UNC13A: variants seen among roughly 807,000 people sequenced by gnomAD.
UNC13A encodes unc-13 homolog A, also known as protein unc-13 homolog A.
Under a neutral mutation model 219.7 loss-of-function variants are expected in UNC13A, and 61 were observed. The ratio of observed to expected loss-of-function variants is 0.28; its 90% CI spans 0.23 to 0.34. The LOEUF is 0.34. UNC13A is among the 10% of genes least tolerant of loss of function. The probability of loss-of-function intolerance (pLI) is 1.00; values close to 1 mark genes in which losing one functional copy is unlikely to be tolerated. For synonymous variants in UNC13A, 920 were observed against 884.6 expected (o/e 1.04, Z -0.71); for missense variants, 1,476 against 2,270.3 (o/e 0.65, Z 7.11).
chr19:17,622,037 A>G (rs1568506012), intron 36 of UNC13A, among the ~76,000 whole-genome samples, 167 bp from the exon 37 acceptor site: 1 of 152,166 alleles, frequency 6.6e-6, no homozygotes, highest in Non-Finnish European at 1.5e-5. Flanking sequence ...GTGTGTGTGC[A>G]CACACGTGCA....
chr19:17,610,087 T>C lies in UNC13A; in HGVS notation c.4664A>G (p.Asn1555Ser), dbSNP rs753414273. The change falls in exon 43 of 44, where the codon AAT becomes AGT. Residue 1555 changes from asparagine (N) to serine (S), a missense_variant. Transcript: ENST00000519716. ...GCCAGAAGTCTGCCACTTGAGGTCATTGGCAGCCACCACTGTTGGAGGAAG... is the reference window on the plus strand; with the variant it reads ...GCCAGAAGTCTGCCACTTGAGGTCACTGGCAGCCACCACTGTTGGAGGAAG... Reference protein sequence around the residue: ...HKVTVKVVAANDLKWQTSGIF... With the variant: ...HKVTVKVVAASDLKWQTSGIF... 66 of 1,614,048 alleles carry C rather than the reference T, an allele frequency of 4.1e-5. No individual in the cohort carries two copies. The highest frequency in any genetic ancestry group is 1.6e-4 in the South Asian group (15 of 91,080).
chr19:17,652,633 G>C lies in UNC13A; in HGVS notation c.1437C>G (p.Gly479=). The part of the protein sequence containing the change: ...GEMSKSLWFK[G]GPGGGLIIID... Reference sequence around the variant, plus strand: ...CCGCTCACAGTTTCATTACTTACCCGCCTTTGAACCATAGGGATTTAGACA... The same window carrying C: ...CCGCTCACAGTTTCATTACTTACCCCCCTTTGAACCATAGGGATTTAGACA... The change falls in exon 12 of 44, where the codon GGC becomes GGG. Residue 479 remains glycine, a splice_region_variant and synonymous_variant. Coordinates refer to ENST00000519716, the MANE Select transcript of UNC13A (RefSeq NM_001080421.3). 5 of 1,613,652 alleles carry C rather than the reference G, an allele frequency of 3.1e-6. No individual in the cohort carries two copies. Among genetic ancestry groups the C allele is most frequent in the Non-Finnish European group, 3.4e-6 (4 of 1,179,756 alleles).
intron 1 of UNC13A, among the ~76,000 whole-genome samples, chr19:17,684,777 G>A (rs1172175776): frequency 6.6e-6 from 1 of 152,236 alleles, no homozygotes; most frequent in African/African-American, 2.4e-5. Flanking sequence ...GAGTGTGCAT[G>A]TGTGCAGAGT....
intron 24 of UNC13A, 100 bp from the exon 25 acceptor site, chr19:17,639,317 G>T: frequency 1.3e-6 from 2 of 1,579,778 alleles, no homozygotes. Context: ...GAAGTGGTAT[G>T]AAAGGAAAAG....
Position 17,672,382 on chromosome 19 carries a change from T to C in UNC13A, c.266A>G (p.Asn89Ser), listed in dbSNP as rs143929324. The C allele has an allele frequency of 1.3e-5, 21 of 1,613,288 alleles. 1 individual carries two copies. The East Asian group carries it at 1.3e-4, about 10-fold the overall frequency. ...CTCAGGCCACCCGCCACTCACCTCA[T>C]TGGACTGGCGGATGGTCCTCAGTGG... Reference protein sequence around the residue: ...WIPLRTIRQSNEEGPGEWLTL... With the variant: ...WIPLRTIRQSSEEGPGEWLTL... Residue 89 changes from asparagine (N) to serine (S), a missense_variant, in exon 4 of 44, where the codon AAT becomes AGT. Asn to Ser is a conservative substitution (Grantham distance 46). This residue lies in a region of UNC13A where 203 missense variants were observed against 301.6 expected (regional missense o/e 0.67). Transcript: ENST00000519716.
chr19:17,617,574 G>A, intron 41 of UNC13A, 128 bp downstream of exon 41: 1 of 1,359,298 alleles, frequency 7.4e-7, no homozygotes, highest in South Asian at 1.3e-5. Flanking sequence ...CCCTGGACTT[G>A]GTGCAGAGAT....
intron 4 of UNC13A, 148 bp downstream of exon 4, chr19:17,672,230 T>G: frequency 1.5e-6 from 1 of 681,410 alleles, no homozygotes; most frequent in East Asian, 2.8e-5. Context: ...TAGGCTCTAG[T>G]GACTTTGGAA....
chr19:17,669,345 G>A (rs546955283), intron 5 of UNC13A, among the ~76,000 whole-genome samples: 27 of 152,216 alleles, frequency 1.8e-4, no homozygotes, highest in African/African-American at 6.3e-4. Context: ...GGGAAGCTAC[G>A]GGGCCCAGGT....
intron 20 of UNC13A, 75 bp from the exon 21 acceptor site, chr19:17,641,631 C>T: frequency 2.1e-6 from 3 of 1,455,070 alleles, no homozygotes; most frequent in South Asian, 1.3e-5. Flanking sequence ...GGGTCTGGGG[C>T]AGCTTACATC....
Position 17,636,103 on chromosome 19 carries a change from C to G in UNC13A, c.3136G>C (p.Asp1046His), listed in dbSNP as rs372372696. The G allele has an allele frequency of 1.2e-6, 2 of 1,609,538 alleles. No individual in the cohort carries two copies. The highest frequency in any genetic ancestry group is 1.7e-6 in the Non-Finnish European group (2 of 1,177,862). ...EEQGPSIKNLDFWSKLITLIV... is the reference protein window; with the variant it reads ...EEQGPSIKNLHFWSKLITLIV... ...AGGGTAATCAGCTTGGACCAGAAGT[C>G]GAGGTTCTTGATGCTGGGCCCCTGT... Residue 1046 changes from aspartate to histidine, a missense_variant, in exon 26 of 44, where the codon GAC becomes CAC. Coordinates refer to ENST00000519716, the MANE Select transcript of UNC13A (RefSeq NM_001080421.3).
Position 17,604,729 on chromosome 19 carries a change from T to A in UNC13A, c.*1325A>T, listed in dbSNP as rs1042894360. 6.6e-6 allele frequency: 1 copy of A among 152,416 alleles called. No homozygotes were observed. The highest frequency in any genetic ancestry group is 1.9e-4 in the East Asian group (1 of 5,184). 9.4% of individuals were successfully genotyped at this position (152,416 alleles called of 1,614,324 possible). On this transcript the variant is annotated 3_prime_UTR_variant, in exon 44 of 44. Transcript: ENST00000519716. ...CACCAGGTAACTCCAGCCAGGTCAC[T>A]GTAACTTTGCTCATTGGAGAAAGAG...
intron 4 of UNC13A, among the ~76,000 whole-genome samples, 199 bp downstream of exon 4, chr19:17,672,179 A>G (rs1247100728): frequency 2.8e-4 from 43 of 152,190 alleles, no homozygotes; most frequent in Non-Finnish European, 5.9e-5. Context: ...CACAAGGTGG[A>G]AGCCACATGG....
chr19:17,680,869 C>CTTTTTTTTTTT (rs71162171), intron 1 of UNC13A, among the ~76,000 whole-genome samples: 10 of 106,394 alleles, frequency 9.4e-5, no homozygotes, highest in Non-Finnish European at 1.7e-4. Flanking sequence ...TCTTCTTCTT[C>CTTTTTTTTTTT]TTTTTTTTTC....
intron 1 of UNC13A, among the ~76,000 whole-genome samples, chr19:17,679,040 C>CT (rs2079955686): frequency 6.6e-6 from 1 of 152,106 alleles, no homozygotes; most frequent in South Asian, 2.1e-4. Context: ...AGGAGGATCC[C>CT]TTGAGCCCAG....
intron 34 of UNC13A, 27 bp downstream of exon 34, chr19:17,626,606 C>T: frequency 6.6e-7 from 1 of 1,522,220 alleles, no homozygotes; most frequent in South Asian, 1.2e-5. Context: ...CCTCCCCGGC[C>T]AGCCCAGTCC....
At chr19:17,607,765 T>C (rs942607676) in intron 43 of UNC13A, among the ~76,000 whole-genome samples, 6 of 151,760 alleles carry the variant, frequency 4.0e-5, no homozygotes, top group African/African-American at 1.5e-4. Flanking sequence ...TCCAACAACA[T>C]TGCCCTGCCC....
chr19:17,613,151 G>C (rs2144931356), intron 41 of UNC13A, among the ~76,000 whole-genome samples: 1 of 151,916 alleles, frequency 6.6e-6, no homozygotes, highest in Admixed American at 6.6e-5. Flanking sequence ...AGAATCACTT[G>C]AACCTGGGAG....
intron 11 of UNC13A, 139 bp downstream of exon 11, chr19:17,655,135 T>G (rs1256840436): frequency 1.4e-6 from 1 of 740,674 alleles, no homozygotes; most frequent in East Asian, 2.7e-5. Context: ...GCACTGGGCA[T>G]GCCCAGGCTA....
intron 41 of UNC13A, chr19:17,613,702 C>CTTTTTTTT (rs1157023997): frequency 7.2e-5 from 9 of 124,242 alleles, no homozygotes; most frequent in Admixed American, 8.6e-5. Flanking sequence ...TCTTAAGTTT[C>CTTTTTTTT]TTTTTTTTTT....
Sources: allele counts gnomAD v4.1 joint callset (sites outside exome capture counted in the v4.1 genomes callset), GRCh38; gene constraint gnomAD v4.1.1; regional missense constraint gnomAD v4.1.1; transcripts MANE v1.5; gene names NCBI Gene and HGNC (gene_info 2026-07-23, HGNC 2026-07-21).